RBFOX1: variants seen among roughly 807,000 people sequenced by gnomAD.
The protein encoded by RBFOX1 is RNA binding fox-1 homolog 1.
In RBFOX1, 8 loss-of-function variants were observed where a neutral mutation model predicts 57.7. The observed-to-expected ratio is 0.14, with a 90% CI of 0.08 to 0.25. The LOEUF (loss-of-function observed/expected upper bound fraction) is 0.25. Among genes scored for constraint, RBFOX1 ranks in the 10% least tolerant of loss-of-function variants. The probability of loss-of-function intolerance (pLI) is 1.00; values close to 1 mark genes in which losing one functional copy is unlikely to be tolerated. For missense variants in RBFOX1, 611 were observed against 548.5 expected, an observed-to-expected ratio of 1.11 and a Z score of -1.14; for synonymous variants, 326 against 222.4, an observed-to-expected ratio of 1.47 and a Z score of -4.15.
intron 4 of RBFOX1, among the ~76,000 whole-genome samples, chr16:7,071,102 G>T (rs548150279): frequency 1.3e-5 from 2 of 152,200 alleles, no homozygotes; most frequent in African/African-American, 4.8e-5. Flanking sequence ...GTCCCATCTG[G>T]CTTAACACAT....
chr16:6,720,027 G>A (rs553446883), intron 3 of RBFOX1, among the ~76,000 whole-genome samples: 1 of 152,008 alleles, frequency 6.6e-6, no homozygotes, highest in Non-Finnish European at 1.5e-5. Context: ...CTGGGAGGCA[G>A]AGGTTGCAGT....
chr16:5,814,952 A>G (rs1413994341), intron 3 of RBFOX1, among the ~76,000 whole-genome samples: 1 of 144,928 alleles, frequency 6.9e-6, no homozygotes, highest in African/African-American at 2.8e-5. Flanking sequence ...AAAAAAAAGA[A>G]AAAAAAAAAA....
At chr16:6,331,635 TAATC>T (rs780881998) in intron 2 of RBFOX1, among the ~76,000 whole-genome samples, 38 of 151,308 alleles carry the variant, frequency 2.5e-4, no homozygotes, top group Non-Finnish European at 4.6e-4. Flanking sequence ...ATCTATCTGT[TAATC>T]TATCTTCTGT....
At chr16:7,425,967 C>G (rs528783672) in intron 4 of RBFOX1, among the ~76,000 whole-genome samples, 1 of 152,312 alleles carries the variant, frequency 6.6e-6, no homozygotes, top group Admixed American at 6.5e-5. Flanking sequence ...TCCATGAGCT[C>G]AGATCAATTG....
chr16:5,571,411 C>T (rs1460392001), intron 2 of RBFOX1, among the ~76,000 whole-genome samples: 3 of 151,704 alleles, frequency 2.0e-5, no homozygotes, highest in Non-Finnish European at 4.4e-5. Context: ...GATGGGGTTT[C>T]ACCCTGTTGG....
At chr16:6,034,067 G>T (rs1015342933) in intron 1 of RBFOX1, among the ~76,000 whole-genome samples, 5 of 152,058 alleles carry the variant, frequency 3.3e-5, no homozygotes, top group African/African-American at 1.2e-4. Context: ...AGGCGCGGTG[G>T]CTCATGCCCG....
At chr16:6,359,154 A>G (rs8052753) in intron 2 of RBFOX1, among the ~76,000 whole-genome samples, 47,030 of 152,002 alleles carry the variant, frequency 0.31, 7,954 homozygotes, top group African/African-American at 0.45. Context: ...GTGCAGTGGC[A>G]CGATCTCAGC....
At chr16:6,890,635 C>T (rs1171254669) in intron 3 of RBFOX1, among the ~76,000 whole-genome samples, 1 of 152,320 alleles carries the variant, frequency 6.6e-6, no homozygotes, top group East Asian at 1.9e-4. Context: ...GTGTTTGTAA[C>T]AGTCTTTCCT....
intron 3 of RBFOX1, among the ~76,000 whole-genome samples, chr16:5,678,552 G>C (rs931498777): frequency 1.3e-5 from 2 of 152,150 alleles, no homozygotes; most frequent in African/African-American, 2.4e-5. Flanking sequence ...AGCTCAGTGA[G>C]CCTTGTCCAT....
chr16:7,140,263 T>C (rs1368405863), intron 4 of RBFOX1, among the ~76,000 whole-genome samples: 1 of 96,628 alleles, frequency 1.0e-5, no homozygotes, highest in Non-Finnish European at 2.1e-5. Flanking sequence ...TTTTTTTAAA[T>C]GGCTTTTTTT....
Position 7,709,645 on chromosome 16 carries a change from G to C in RBFOX1, c.1071+514G>C, listed in dbSNP as rs1477313950. On this transcript the variant is annotated intron_variant, in intron 15 of 15. Transcript: ENST00000550418. ...AGTCGCCCAGGAAAGAAAATAGAGA[G>C]GGGCACACTTTGTGTGTGTACCTAG... 1.2e-5 allele frequency: 19 copies of C among 1,529,744 alleles called. No homozygotes were observed. In the East Asian group the frequency reaches 4.7e-4, roughly 38 times the overall value. 94.8% of individuals were successfully genotyped at this position (1,529,744 alleles called of 1,614,324 possible). A position where few individuals can be genotyped will look rare whatever the true frequency, so the allele number is the denominator to read the frequency against.
intron 1 of RBFOX1, among the ~76,000 whole-genome samples, chr16:5,421,799 C>T (rs1172410924): frequency 6.6e-6 from 1 of 151,998 alleles, no homozygotes; most frequent in Non-Finnish European, 1.5e-5. Flanking sequence ...CCTAAGAAAC[C>T]CAATAGAAAA....
rs552568132 is a variant in RBFOX1, at chr16:7,506,184, C to CAAA, written c.28-11932_28-11930dup. On this transcript the variant is annotated intron_variant, in intron 4 of 15. Transcript: ENST00000550418. Reference sequence around the variant, plus strand: ...TGGGTGACAGAGCAAGACTCTGTCTCAAAAAAAAAAAAAAAAAAAAAAAAA... The same window carrying CAAA: ...TGGGTGACAGAGCAAGACTCTGTCTCAAAAAAAAAAAAAAAAAAAAAAAAAAAA... Among the ~76,000 whole-genome samples the CAAA allele has an allele frequency of 3.6e-3, 178 of 49,944 alleles. 6 individuals are homozygous for CAAA. Among genetic ancestry groups the CAAA allele is most frequent in the African/African-American group, 6.6e-3 (90 of 13,596 alleles). 32.8% of individuals were successfully genotyped at this position (49,944 alleles called of 152,430 possible).
chr16:6,978,647 G>A (rs1030274086), intron 3 of RBFOX1, among the ~76,000 whole-genome samples: 4 of 152,170 alleles, frequency 2.6e-5, no homozygotes, highest in Non-Finnish European at 5.9e-5. Context: ...ATGTCCTCAT[G>A]ATGATTTTGT....
intron 3 of RBFOX1, among the ~76,000 whole-genome samples, chr16:7,011,052 A>G (rs771691907): frequency 1.2e-4 from 18 of 149,112 alleles, no homozygotes; most frequent in Non-Finnish European, 1.8e-4. Flanking sequence ...CTTGCCTTTT[A>G]ATTGAAAGCA....
intron 14 of RBFOX1, among the ~76,000 whole-genome samples, chr16:7,706,091 G>A (rs1345722212): frequency 6.6e-6 from 1 of 152,124 alleles, no homozygotes. Context: ...TCAGATTGCT[G>A]ACGTGCTTGG....
At chr16:6,973,767 G>T (rs781009672) in intron 3 of RBFOX1, among the ~76,000 whole-genome samples, 1 of 151,990 alleles carries the variant, frequency 6.6e-6, no homozygotes, top group Non-Finnish European at 1.5e-5. Context: ...CCCATTAACC[G>T]GTAGTTTTTA....
intron 3 of RBFOX1, among the ~76,000 whole-genome samples, chr16:6,979,493 T>G (rs1047190438): frequency 4.6e-5 from 7 of 152,154 alleles, no homozygotes; most frequent in African/African-American, 1.7e-4. Context: ...TTCTATTGAT[T>G]GAAGGGCTGT....
At chr16:7,710,476 G>A (rs543790765) in intron 15 of RBFOX1, 147 bp from the exon 16 acceptor site, 643 of 1,515,630 alleles carry the variant, frequency 4.2e-4, no homozygotes, top group Middle Eastern at 3.0e-3. Flanking sequence ...CCTATCTTTA[G>A]TTCTCCAAGA....
Sources: allele counts gnomAD v4.1 joint callset (sites outside exome capture counted in the v4.1 genomes callset), GRCh38; gene constraint gnomAD v4.1.1; transcripts MANE v1.5; gene names NCBI Gene and HGNC (gene_info 2026-07-23, HGNC 2026-07-21).